Variants in PITPNC1 observed in about 807,000 individuals in gnomAD.
PITPNC1 encodes the protein cytoplasmic phosphatidylinositol transfer protein 1.
Under a neutral mutation model 44.7 loss-of-function variants are expected in PITPNC1, and 18 were observed. The ratio of observed to expected loss-of-function variants is 0.40; its 90% CI spans 0.28 to 0.60. The LOEUF (loss-of-function observed/expected upper bound fraction) is 0.60, where lower values mean the gene tolerates loss of function less well. PITPNC1 is among the 20% of genes least tolerant of loss of function. The pLI, the probability that PITPNC1 is intolerant of heterozygous loss-of-function variation, is 0.39. For synonymous variants in PITPNC1, 141 were observed against 149.6 expected (o/e 0.94, Z 0.42); for missense variants, 290 against 418.4 (o/e 0.69, Z 2.68).
intron 5 of PITPNC1, among the ~76,000 whole-genome samples, chr17:67,583,883 G>GTGTGTGTGTGTGTT (rs776832170): frequency 7.4e-6 from 1 of 135,070 alleles, no homozygotes; most frequent in Non-Finnish European, 1.6e-5. Context: ...GTGTGTGTGT[G>GTGTGTGTGTGTGTT]TGTGTGTGTG....
chr17:67,646,140 CA>C (rs901655386), intron 6 of PITPNC1, among the ~76,000 whole-genome samples: 2 of 151,612 alleles, frequency 1.3e-5, no homozygotes, highest in East Asian at 1.9e-4. Flanking sequence ...AAAGACAAAA[CA>C]AAAAAAAGAC....
At chr17:67,556,249 A>T (rs117990928) in intron 4 of PITPNC1, among the ~76,000 whole-genome samples, 4 of 152,208 alleles carry the variant, frequency 2.6e-5, no homozygotes, top group African/African-American at 9.6e-5. Context: ...ACAGTCCCCA[A>T]TGTGGGAGAC....
chr17:67,619,505 C>T (rs1285263468), intron 5 of PITPNC1, among the ~76,000 whole-genome samples: 1 of 152,166 alleles, frequency 6.6e-6, no homozygotes, highest in East Asian at 1.9e-4. Flanking sequence ...TCTCACTCTA[C>T]TGCCAATCAC....
At position 67,501,827 on chromosome 17, in the gene PITPNC1, C is replaced by CT. The variant is rs200773001; in HGVS notation, c.49-30974dup. ...CAGCCTGGGCAACAAGAGCAAAACT[C>CT]TGTCTCAAAAAAAAAAAAAAGTTTG... On this transcript the variant is annotated intron_variant, in intron 1 of 8. Coordinates refer to ENST00000581322, the MANE Select transcript of PITPNC1 (RefSeq NM_012417.4). Among the ~76,000 whole-genome samples, 648 of 150,746 alleles carry CT rather than the reference C, an allele frequency of 4.3e-3. 5 individuals are homozygous for CT. Among genetic ancestry groups the CT allele is most frequent in the African/African-American group, 0.015 (610 of 40,920 alleles).
chr17:67,668,055 G>A (rs76932507), intron 6 of PITPNC1, among the ~76,000 whole-genome samples: 3,729 of 152,194 alleles, frequency 0.025, 186 homozygotes, highest in East Asian at 0.2. Context: ...CAAATCTTAA[G>A]TGTAAAACTC....
chr17:67,580,288 G>T (rs1318360013), intron 5 of PITPNC1, among the ~76,000 whole-genome samples: 2 of 152,140 alleles, frequency 1.3e-5, no homozygotes, highest in Admixed American at 6.5e-5. Context: ...TCATGAAAAG[G>T]ATAATAAAGT....
intron 4 of PITPNC1, among the ~76,000 whole-genome samples, chr17:67,576,038 G>C (rs2041145327): frequency 6.6e-6 from 1 of 151,592 alleles, no homozygotes. Flanking sequence ...CACTACACCT[G>C]GCTAATTCTT....
intron 1 of PITPNC1, among the ~76,000 whole-genome samples, chr17:67,430,088 A>T (rs1490507085): frequency 6.6e-6 from 1 of 152,244 alleles, no homozygotes; most frequent in Non-Finnish European, 1.5e-5. Context: ...CAAAAGAGGA[A>T]TCTCAGAGGT....
chr17:67,397,684 C>CA (rs1228720793), intron 1 of PITPNC1, among the ~76,000 whole-genome samples: 7 of 152,218 alleles, frequency 4.6e-5, no homozygotes, highest in Admixed American at 4.6e-4. Flanking sequence ...GCAGCCACCT[C>CA]AAGACACACG....
rs142450374 is a variant in PITPNC1 at position 67,426,526 on chromosome 17, C to T, written c.48+48324C>T. ...CAGAGGAACAGAAAACCAAACACCA[C>T]GTGTTCTCACTCATAAGTGGGAGTT... On this transcript the variant is annotated intron_variant, in intron 1 of 8. Coordinates refer to ENST00000581322, the MANE Select transcript of PITPNC1 (RefSeq NM_012417.4). Among the ~76,000 whole-genome samples, 329 of 151,712 alleles carry T rather than the reference C, an allele frequency of 2.2e-3. 2 individuals carry two copies. Among genetic ancestry groups the T allele is most frequent in the African/African-American group, 7.4e-3 (304 of 41,344 alleles).
intron 1 of PITPNC1, among the ~76,000 whole-genome samples, chr17:67,384,909 T>C (rs1276999418): frequency 6.6e-6 from 1 of 152,234 alleles, no homozygotes; most frequent in Non-Finnish European, 1.5e-5. Flanking sequence ...ATTTGGAAAA[T>C]GTTTTCCTTG....
chr17:67,528,052 G>T (rs1436743806), intron 1 of PITPNC1, among the ~76,000 whole-genome samples: 3 of 151,882 alleles, frequency 2.0e-5, no homozygotes, highest in Non-Finnish European at 4.4e-5. Context: ...TTTTGTTTTT[G>T]TTTTTTTGAG....
intron 1 of PITPNC1, among the ~76,000 whole-genome samples, chr17:67,510,004 C>A (rs1408202665): frequency 6.6e-6 from 1 of 152,164 alleles, no homozygotes; most frequent in African/African-American, 2.4e-5. Flanking sequence ...CAATCTGCTG[C>A]CTTTATGCAG....
chr17:67,475,368 T>C (rs902326640), intron 1 of PITPNC1, among the ~76,000 whole-genome samples: 1 of 152,170 alleles, frequency 6.6e-6, no homozygotes, highest in African/African-American at 2.4e-5. Context: ...GGGTACAACA[T>C]TGGTTTGTTT....
Position 67,676,219 on chromosome 17 carries a change from A to G in PITPNC1, c.682+677A>G, listed in dbSNP as rs995821105. ...GAGACTCCGTCTCGGAAAAAAAAAA[A>G]AAAGAAAGAAAGAAACTACCCCTCA... On this transcript the variant is annotated intron_variant, in intron 8 of 8. Coordinates refer to ENST00000581322, the MANE Select transcript of PITPNC1 (RefSeq NM_012417.4). The surrounding 1 kb of genome is among the most constrained non-coding windows in gnomAD (Gnocchi z 4.0). 4.6e-5 allele frequency among the ~76,000 whole-genome samples: 7 copies of G among 152,130 alleles called. No individual in the cohort carries two copies. The highest frequency in any genetic ancestry group is 1.9e-4 in the East Asian group (1 of 5,178).
At chr17:67,536,782 G>C (rs1280770269) in intron 2 of PITPNC1, among the ~76,000 whole-genome samples, 1 of 152,122 alleles carries the variant, frequency 6.6e-6, no homozygotes, top group Non-Finnish European at 1.5e-5. Flanking sequence ...CCTAGTTCTG[G>C]CCAATGAGAC....
chr17:67,381,626 C>T (rs1380246392), intron 1 of PITPNC1, among the ~76,000 whole-genome samples: 1 of 152,162 alleles, frequency 6.6e-6, no homozygotes, highest in East Asian at 2.0e-4. Flanking sequence ...GCCACCGCAC[C>T]CTGCTAATTT....
chr17:67,460,572 G>A (rs1567998470), intron 1 of PITPNC1, among the ~76,000 whole-genome samples: 2 of 151,254 alleles, frequency 1.3e-5, no homozygotes, highest in Non-Finnish European at 2.9e-5. Flanking sequence ...GTGCCACCAC[G>A]CCTGGCTAAT....
At chr17:67,381,904 C>T (rs1013375128) in intron 1 of PITPNC1, among the ~76,000 whole-genome samples, 1 of 152,194 alleles carries the variant, frequency 6.6e-6, no homozygotes, top group Non-Finnish European at 1.5e-5. Context: ...TCATTTAACA[C>T]TCTGGTGGTG....
Sources: gnomAD v4.1 joint callset for allele counts (sites outside exome capture counted in the v4.1 genomes callset) on GRCh38, gnomAD v4.1.1 for gene constraint, Gnocchi (gnomAD v3.1) non-coding constraint, MANE v1.5 for transcripts, NCBI Gene and HGNC (gene_info 2026-07-23, HGNC 2026-07-21) for gene names.